Variants in DPP6 observed in about 807,000 individuals in gnomAD.
DPP6 encodes A-type potassium channel modulatory protein DPP6.
A neutral mutation model predicts 122.6 loss-of-function variants in DPP6; 69 were observed. The observed-to-expected ratio is 0.56, with a 90% CI of 0.46 to 0.69. The LOEUF is 0.69. Among genes scored for constraint, DPP6 ranks in the 30% least tolerant of loss-of-function variants. The pLI, the probability that DPP6 is intolerant of heterozygous loss-of-function variation, is 0.00. For synonymous variants in DPP6, 418 were observed against 433.1 expected, an observed-to-expected ratio of 0.97 and a Z score of 0.43; for missense variants, 928 against 1,116.9, an observed-to-expected ratio of 0.83 and a Z score of 2.41.
Position 154,141,704 on chromosome 7 carries a change from C to G in DPP6, c.243+88641C>G, listed in dbSNP as rs139845983. 2.3e-3 allele frequency among the ~76,000 whole-genome samples: 347 copies of G among 152,290 alleles called. 2 individuals are homozygous for G. Among genetic ancestry groups the G allele is most frequent in the African/African-American group, 5.8e-3 (241 of 41,564 alleles). ...CAGATGGTGGTACTAACTGGAGAAG[C>G]AGTTACAGTTGTACCTAGCATGCAT... On this transcript the variant is annotated intron_variant, in intron 1 of 25. Transcript: ENST00000377770.
intron 1 of DPP6, among the ~76,000 whole-genome samples, chr7:154,298,715 T>A (rs1459184465): frequency 6.6e-6 from 1 of 152,128 alleles, no homozygotes; most frequent in African/African-American, 2.4e-5. Flanking sequence ...ACCCTCACCG[T>A]CCATACCCTG....
At chr7:154,408,428 T>C (rs1269550151) in intron 1 of DPP6, among the ~76,000 whole-genome samples, 1 of 152,048 alleles carries the variant, frequency 6.6e-6, no homozygotes, top group Non-Finnish European at 1.5e-5. Context: ...TTTTATGTGG[T>C]TATTGTTTTT....
At chr7:153,771,315 C>T in the DPP6 span, among the ~76,000 whole-genome samples, 13 of 152,168 alleles carry the variant, frequency 8.5e-5, no homozygotes, top group African/African-American at 2.6e-4. Flanking sequence ...TCATGCAAGA[C>T]GAAGACAATG....
intron 16 of DPP6, among the ~76,000 whole-genome samples, chr7:154,846,605 T>C (rs1801962824): frequency 1.3e-5 from 2 of 152,334 alleles, no homozygotes; most frequent in South Asian, 4.1e-4. Context: ...TGCTACCAAC[T>C]AGCTTAACGA....
Position 154,319,835 on chromosome 7 carries a change from AC to A in DPP6, c.244-126378del, listed in dbSNP as rs201286046. Among the ~76,000 whole-genome samples, 1,035 of 148,254 alleles carry A rather than the reference AC, an allele frequency of 7.0e-3. 28 individuals carry two copies. In the East Asian group the frequency reaches 0.071, roughly 10 times the overall value. Reference sequence around the variant, plus strand: ...GCGAAACCCTGTCTCTACTAACAATACAAAAATTAGCTGGGCATGGTGGTGG... The same window carrying A: ...GCGAAACCCTGTCTCTACTAACAATAAAAAATTAGCTGGGCATGGTGGTGG... On this transcript the variant is annotated intron_variant, in intron 1 of 25. Coordinates refer to ENST00000377770, the MANE Select transcript of DPP6 (RefSeq NM_130797.4).
intron 1 of DPP6, among the ~76,000 whole-genome samples, chr7:154,233,908 A>G (rs1397627808): frequency 6.6e-6 from 1 of 152,242 alleles, no homozygotes; most frequent in Non-Finnish European, 1.5e-5. Flanking sequence ...TCATGACTAC[A>G]GACAGTGAGA....
At chr7:153,787,361 A>G in the DPP6 span, among the ~76,000 whole-genome samples, 49 of 148,438 alleles carry the variant, frequency 3.3e-4, no homozygotes, top group African/African-American at 1.2e-3. Context: ...GCAGTATAAT[A>G]TCTAAACCCT....
chr7:154,685,523 T>C (rs374463233), intron 7 of DPP6, among the ~76,000 whole-genome samples: 92 of 152,322 alleles, frequency 6.0e-4, no homozygotes, highest in Middle Eastern at 6.8e-3. Context: ...GTTTAGATGC[T>C]TACAGGCGGG....
chr7:154,637,830 C>T lies in DPP6; in HGVS notation c.637C>T (p.His213Tyr). 1 of 1,580,796 alleles carries T rather than the reference C, an allele frequency of 6.3e-7. No individual in the cohort carries two copies. The highest frequency in any genetic ancestry group is 8.6e-7 in the Non-Finnish European group (1 of 1,161,972). ...FSYNVEPIYQ[H>Y]SYTGYYVLSK... ...TTTTTGTCTGTTGCAGATATATCAA[C>T]ACTCGTATACTGGATATTACGTCCT... The change falls in exon 6 of 26, where the codon CAC (histidine) becomes TAC (tyrosine). Residue 213 changes from histidine to tyrosine, a missense_variant. Coordinates refer to ENST00000377770, the MANE Select transcript of DPP6 (RefSeq NM_130797.4).
chr7:154,049,082 A>C (rs562701927), upstream of DPP6, among the ~76,000 whole-genome samples: 13 of 151,308 alleles, frequency 8.6e-5, no homozygotes, highest in East Asian at 2.5e-3. Context: ...GGAAGAATTA[A>C]ACTCGACATT....
intron 1 of DPP6, among the ~76,000 whole-genome samples, chr7:154,205,801 C>G (rs1045266013): frequency 6.7e-6 from 1 of 150,338 alleles, no homozygotes; most frequent in African/African-American, 2.5e-5. Flanking sequence ...AATTAATTAA[C>G]TAAAAACGCT....
chr7:153,837,486 C>A, the DPP6 span, among the ~76,000 whole-genome samples: 1 of 152,202 alleles, frequency 6.6e-6, no homozygotes, highest in Non-Finnish European at 1.5e-5. Context: ...GATTCAGACT[C>A]AGGTTTTTCC....
chr7:154,690,841 T>C (rs73730205), intron 7 of DPP6, among the ~76,000 whole-genome samples: 2,009 of 152,202 alleles, frequency 0.013, 38 homozygotes, highest in African/African-American at 0.046. Flanking sequence ...AAATGCCCCA[T>C]CCATGCAACA....
rs1800898508 is a variant in DPP6, at chr7:154,231,206, G to A, written c.243+178143G>A. ...GGTTTGATCTGGATCACCCTGTCTC[G>A]TATCTTGGAAATGATGTCTTTGACA... is the stretch of plus-strand genomic sequence containing the variant. On this transcript the variant is annotated intron_variant, in intron 1 of 25. Coordinates refer to ENST00000377770, the MANE Select transcript of DPP6 (RefSeq NM_130797.4). Among the ~76,000 whole-genome samples the A allele has an allele frequency of 3.9e-5, 6 of 152,210 alleles. No homozygotes were observed. The South Asian group carries it at 6.2e-4, about 16-fold the overall frequency.
intron 1 of DPP6, among the ~76,000 whole-genome samples, chr7:154,331,743 G>A (rs1297197431): frequency 6.6e-6 from 1 of 152,190 alleles, no homozygotes; most frequent in Non-Finnish European, 1.5e-5. Context: ...CACAGCAGGT[G>A]TGGCCAAATA....
chr7:154,538,900 A>G (rs1282235167), intron 3 of DPP6, among the ~76,000 whole-genome samples: 2 of 152,208 alleles, frequency 1.3e-5, no homozygotes, highest in Non-Finnish European at 2.9e-5. Flanking sequence ...AATGAAAACA[A>G]TTTCACCTAA....
At chr7:154,242,415 T>C (rs1292527051) in intron 1 of DPP6, among the ~76,000 whole-genome samples, 1 of 152,140 alleles carries the variant, frequency 6.6e-6, no homozygotes, top group East Asian at 1.9e-4. Flanking sequence ...TGTGAGTATA[T>C]ATATATTCCC....
At chr7:154,286,404 C>T (rs1369196435) in intron 1 of DPP6, among the ~76,000 whole-genome samples, 1 of 152,172 alleles carries the variant, frequency 6.6e-6, no homozygotes, top group Non-Finnish European at 1.5e-5. Context: ...CACCAGCCAT[C>T]ATGGGACATT....
the DPP6 span, among the ~76,000 whole-genome samples, chr7:153,827,986 C>T: frequency 6.6e-6 from 1 of 152,174 alleles, no homozygotes; most frequent in African/African-American, 2.4e-5. Context: ...CCTAGAGTGT[C>T]AGTGGGGACT....
Sources: allele counts gnomAD v4.1 joint callset (sites outside exome capture counted in the v4.1 genomes callset), GRCh38; gene constraint gnomAD v4.1.1; transcripts MANE v1.5; gene names NCBI Gene and HGNC (gene_info 2026-07-23, HGNC 2026-07-21).